PCGF2: variants seen among roughly 807,000 people sequenced by gnomAD.
PCGF2 encodes the protein polycomb group ring finger 2.
Under a neutral mutation model 36.1 loss-of-function variants are expected in PCGF2, and 8 were observed. The observed-to-expected ratio is 0.22, with a 90% CI of 0.13 to 0.40. PCGF2 has a LOEUF of 0.40. Ranked by LOEUF, PCGF2 falls within the 10% of genes least tolerant of loss-of-function variation. PCGF2 has a pLI of 1.00. For missense variants in PCGF2, 436 were observed against 475.9 expected (o/e 0.92, Z 0.78); for synonymous variants, 198 against 191.2 (o/e 1.04, Z -0.29).
At chr17:38,743,872 G>A (rs1454880487) in intron 2 of PCGF2, among the ~76,000 whole-genome samples, 1 of 152,182 alleles carries the variant, frequency 6.6e-6, no homozygotes, top group African/African-American at 2.4e-5. Context: ...GAGGGAAAAA[G>A]GGGTGATGGG....
In PCGF2 at chr17:38,740,428, CTGGGGA is replaced by C; in HGVS notation, c.-32_-27del. On this transcript the variant is annotated 5_prime_UTR_variant, in exon 3 of 11. Transcript: ENST00000620225. The stretch of plus-strand genomic sequence containing the variant: ...GATTCCGGGGTCGGGGGTGGGGGGA[CTGGGGA>C]GCGTTGCCCTGGGAAACGGAAGTGG... The C allele has an allele frequency of 6.7e-7, 1 of 1,494,918 alleles. No homozygotes were observed. The highest frequency in any genetic ancestry group is 9.0e-7 in the Non-Finnish European group (1 of 1,109,116). The allele number at this position is 1,494,918 out of a possible 1,614,324, so 92.6% of individuals were successfully genotyped here. A position where few individuals can be genotyped will look rare whatever the true frequency, so the allele number is the denominator to read the frequency against.
intron 2 of PCGF2, among the ~76,000 whole-genome samples, chr17:38,747,275 C>G (rs896255635): frequency 4.1e-4 from 62 of 152,146 alleles, no homozygotes; most frequent in African/African-American, 1.2e-3. Flanking sequence ...CCCACGCCCT[C>G]AGAGCTAGCA....
chr17:38,739,869 T>A lies in PCGF2; in HGVS notation c.113-187A>T, dbSNP rs946928602. 6.6e-6 allele frequency among the ~76,000 whole-genome samples: 1 copy of A among 152,100 alleles called. No individual in the cohort carries two copies. Among genetic ancestry groups the A allele is most frequent in the African/African-American group, 2.4e-5 (1 of 41,406 alleles). ...TTGTGCACTGTTGAGGGAAGCTGGA[T>A]CTTGTGTGAGACAGGCCAGTGTCAT... On this transcript the variant is annotated intron_variant, in intron 3 of 10. Coordinates refer to ENST00000620225, the MANE Select transcript of PCGF2 (RefSeq NM_007144.3). This position sits in a 1 kb window ranked among gnomAD's most constrained non-coding sequence, Gnocchi z 4.0.
At chr17:38,736,053 G>A (rs1906689468) in intron 10 of PCGF2, 37 bp downstream of exon 10, 3 of 1,396,250 alleles carry the variant, frequency 2.1e-6, no homozygotes, top group Non-Finnish European at 3.0e-6. Context: ...AGACCCTGTG[G>A]GAGTCTGCTC....
chr17:38,742,288 C>T (rs757443594), intron 2 of PCGF2, among the ~76,000 whole-genome samples: 1 of 152,236 alleles, frequency 6.6e-6, no homozygotes, highest in Non-Finnish European at 1.5e-5. Flanking sequence ...TACTCACACC[C>T]TTCTCTCCTT....
At chr17:38,749,576 G>C (rs1187394228), upstream of PCGF2, 1 of 452,506 alleles carries the variant, frequency 2.2e-6, no homozygotes, top group Non-Finnish European at 4.5e-6. The surrounding 1 kb of genome is among the most constrained non-coding windows in gnomAD (Gnocchi z 6.5). Flanking sequence ...CCTCCAGAGA[G>C]CTCGATTATC....
chr17:38,735,346 CG>C lies in PCGF2; in HGVS notation c.911del (p.Ser304Ter). On this transcript the variant is annotated frameshift_variant, in exon 11 of 11. Transcript: ENST00000620225. LOFTEE classifies it high-confidence loss of function. Reference protein sequence around the residue: ...ATHPTSPTPPSTASGATTAAN... With the variant: ...ATHPTSPTPPXTASGATTAAN... ...CAGCTGTGGTGGCCCCACTGGCTGT[CG>C]AAGGGGGAGTGGGGGAGGTAGGGTG... The C allele has an allele frequency of 6.4e-7, 1 of 1,556,302 alleles. No homozygotes were observed. The highest frequency in any genetic ancestry group is 8.7e-7 in the Non-Finnish European group (1 of 1,148,004).
intron 2 of PCGF2, among the ~76,000 whole-genome samples, chr17:38,741,093 CTT>C (rs568991107): frequency 5.1e-4 from 78 of 151,992 alleles, no homozygotes; most frequent in Non-Finnish European, 9.9e-4. Context: ...TTTTAAAACT[CTT>C]TCCAATCCCA....
intron 10 of PCGF2, 31 bp from the exon 11 acceptor site, chr17:38,735,631 G>C: frequency 6.6e-7 from 1 of 1,518,154 alleles, no homozygotes; most frequent in Non-Finnish European, 8.9e-7. Context: ...AGAGACACAG[G>C]GAAGGGGAAG....
intron 3 of PCGF2, among the ~76,000 whole-genome samples, 165 bp downstream of exon 3, chr17:38,740,126 G>A (rs1263574340): frequency 6.6e-6 from 1 of 152,242 alleles, no homozygotes; most frequent in Non-Finnish European, 1.5e-5. Context: ...GCGCCCAGTC[G>A]CCCCTGCGAG....
chr17:38,739,642 T>G lies in PCGF2; in HGVS notation c.153A>C (p.Lys51Asn). The change falls in exon 4 of 11, where the codon AAA (lysine) becomes AAC (asparagine). Residue 51 changes from lysine to asparagine, a missense_variant. Coordinates refer to ENST00000620225, the MANE Select transcript of PCGF2 (RefSeq NM_007144.3). This position sits in a 1 kb window ranked among gnomAD's most constrained non-coding sequence, Gnocchi z 4.0. ...TCIVRYLETN[K>N]YCPMCDVQVH... The stretch of plus-strand genomic sequence containing the variant: ...CCTGCACGTCACACATGGGGCAGTA[T>G]TTGTTGGTCTCCAGGTAGCGCACGA... The G allele has an allele frequency of 6.2e-7, 1 of 1,613,878 alleles. No homozygotes were observed. The highest frequency in any genetic ancestry group is 8.5e-7 in the Non-Finnish European group (1 of 1,179,946).
chr17:38,741,106 A>G (rs941994124), intron 2 of PCGF2, among the ~76,000 whole-genome samples: 24 of 151,982 alleles, frequency 1.6e-4, no homozygotes, highest in African/African-American at 5.5e-4. Context: ...TCCAATCCCA[A>G]GTCGGGCACA....
rs961249820 is a variant in PCGF2 at position 38,739,767 on chromosome 17, T to C, written c.113-85A>G. The stretch of plus-strand genomic sequence containing the variant: ...TCCCCGCCCTCTGCTCAGACTCAGA[T>C]ATCCCTCCTCCTCCACCCTGTCCCT... On this transcript the variant is annotated intron_variant, in intron 3 of 10. Transcript: ENST00000620225. The surrounding 1 kb of genome is among the most constrained non-coding windows in gnomAD (Gnocchi z 4.0). The C allele has an allele frequency of 8.3e-6, 8 of 964,538 alleles. No homozygotes were observed. The highest frequency in any genetic ancestry group is 5.2e-5 in the Admixed American group (3 of 58,086). 59.7% of individuals were successfully genotyped at this position (964,538 alleles called of 1,614,324 possible). A position where few individuals can be genotyped will look rare whatever the true frequency, so the allele number is the denominator to read the frequency against.
At position 38,738,024 on chromosome 17, in the gene PCGF2, A is replaced by G. The variant is rs375381208; in HGVS notation, c.576+329T>C. ...TCAAGCTTGAAAAGCTATGTCCTGG[A>G]GCTCCGTTGGAATTTCAGACTAGCC... On this transcript the variant is annotated intron_variant, in intron 9 of 10. Transcript: ENST00000620225. Among the ~76,000 whole-genome samples the G allele has an allele frequency of 1.8e-4, 28 of 152,188 alleles. No individual in the cohort carries two copies. The South Asian group carries it at 5.4e-3, about 29-fold the overall frequency.
chr17:38,740,587 A>G lies in PCGF2; in HGVS notation c.-40-145T>C, dbSNP rs545556880. 2.1e-3 allele frequency: 1,204 copies of G among 579,902 alleles called. 3 individuals are homozygous for G. Among genetic ancestry groups the G allele is most frequent in the African/African-American group, 6.3e-3 (328 of 52,068 alleles). The allele number at this position is 579,902 out of a possible 1,614,324, so 35.9% of individuals were successfully genotyped here. The stretch of plus-strand genomic sequence containing the variant: ...ATCTTGACTAACATGGTGAAACCCC[A>G]TCTCTACTAAAAATACGGAAAATCA... On this transcript the variant is annotated intron_variant, in intron 2 of 10. Transcript: ENST00000620225.
intron 7 of PCGF2, 71 bp downstream of exon 7, chr17:38,738,682 G>C: frequency 6.4e-7 from 1 of 1,562,410 alleles, no homozygotes; most frequent in Non-Finnish European, 8.8e-7. Context: ...CACATCCAGA[G>C]AGGGTCCTGG....
chr17:38,737,914 A>G (rs955668175), intron 9 of PCGF2, among the ~76,000 whole-genome samples: 2 of 151,352 alleles, frequency 1.3e-5, no homozygotes, highest in African/African-American at 2.4e-5. Context: ...CCATCTCAAA[A>G]AAAAAAAAAA....
intron 10 of PCGF2, 35 bp from the exon 11 acceptor site, chr17:38,735,635 G>C (rs1367283150): frequency 1.3e-6 from 2 of 1,515,546 alleles, no homozygotes; most frequent in Non-Finnish European, 1.8e-6. Context: ...ACACAGGGAA[G>C]GGGAAGGTAT....
At chr17:38,743,817 C>T (rs1034016598) in intron 2 of PCGF2, among the ~76,000 whole-genome samples, 1 of 152,132 alleles carries the variant, frequency 6.6e-6, no homozygotes, top group African/African-American at 2.4e-5. Context: ...ATTCCTGATA[C>T]CCAGTTCCTC....
Sources: gnomAD v4.1 joint callset for allele counts (sites outside exome capture counted in the v4.1 genomes callset) on GRCh38, gnomAD v4.1.1 for gene constraint, Gnocchi (gnomAD v3.1) non-coding constraint, MANE v1.5 for transcripts, NCBI Gene and HGNC (gene_info 2026-07-23, HGNC 2026-07-21) for gene names.